DGKK: variants seen among roughly 807,000 people sequenced by gnomAD.
DGKK encodes the protein 142 kDa diacylglycerol kinase.
Under a neutral mutation model 92.2 loss-of-function variants are expected in DGKK, and 35 were observed. The ratio of observed to expected loss-of-function variants is 0.38; its 90% confidence interval spans 0.29 to 0.50. The LOEUF is 0.50. DGKK is among the 20% of genes least tolerant of loss of function. DGKK has a pLI of 0.92. For missense variants in DGKK, 910 were observed against 992.2 expected, an observed-to-expected ratio of 0.92 and a Z score of 1.11; for synonymous variants, 368 against 360.6, an observed-to-expected ratio of 1.02 and a Z score of -0.23.
intron 1 of DGKK, among the ~76,000 whole-genome samples, chrX:50,432,929 G>C (rs1175398748): frequency 9.0e-6 from 1 of 111,715 alleles, no homozygotes; most frequent in Non-Finnish European, 1.9e-5. Flanking sequence ...CTAATTGTTT[G>C]GGGTATGGGG....
intron 11 of DGKK, 77 bp from the exon 12 acceptor site, chrX:50,390,486 C>G: frequency 2.1e-6 from 2 of 940,556 alleles, no homozygotes; most frequent in Non-Finnish European, 3.0e-6. Flanking sequence ...AAGGTGAAGA[C>G]AGAAGTAAAA....
At position 50,393,181 on chromosome X, in the gene DGKK, G is replaced by A. The variant is rs267606476; in HGVS notation, c.1566C>T (p.Phe522=). The change falls in exon 9 of 28, where the codon TTC becomes TTT. Residue 522 remains phenylalanine (F), a synonymous_variant. Coordinates refer to ENST00000611977, the MANE Select transcript of DGKK (RefSeq NM_001013742.4). The part of the protein sequence containing the change: ...FKQYLNPSQV[F]DLLKGGPEAG... ...CTTCAGGTCCACCCTTCAATAAGTCGAACACTTGAGATGGGTTAAGGTATT... is the reference window on the plus strand; with the variant it reads ...CTTCAGGTCCACCCTTCAATAAGTCAAACACTTGAGATGGGTTAAGGTATT... 5 of 1,209,198 alleles carry A rather than the reference G, an allele frequency of 4.1e-6. No individual in the cohort carries two copies. The highest frequency in any genetic ancestry group is 1.8e-5 in the South Asian group (1 of 56,361).
chrX:50,386,694 G>T (rs1384761270), intron 14 of DGKK, 108 bp from the exon 15 acceptor site: 2 of 617,884 alleles, frequency 3.2e-6, no homozygotes, highest in East Asian at 7.1e-5. Flanking sequence ...GGTAAGAGTT[G>T]TCCATAAATG....
At chrX:50,421,395 C>T (rs1557229126) in intron 3 of DGKK, among the ~76,000 whole-genome samples, 1 of 111,865 alleles carries the variant, frequency 8.9e-6, no homozygotes, top group Non-Finnish European at 1.9e-5. Flanking sequence ...TTGCATGTAA[C>T]ACAGTGAGAT....
intron 1 of DGKK, among the ~76,000 whole-genome samples, chrX:50,435,689 T>C (rs1405924036): frequency 9.1e-6 from 1 of 109,527 alleles, no homozygotes; most frequent in African/African-American, 3.3e-5. Context: ...AGGAGTTGTG[T>C]ATGAGTGGTG....
At chrX:50,447,359 T>A (rs868961759) in intron 1 of DGKK, among the ~76,000 whole-genome samples, 1 of 15,007 alleles carries the variant, frequency 6.7e-5, no homozygotes, top group Non-Finnish European at 9.3e-5. Context: ...ATATATATAA[T>A]ATATATATAT....
intron 15 of DGKK, 108 bp downstream of exon 15, chrX:50,386,248 CTT>C: frequency 1.8e-6 from 1 of 547,166 alleles, no homozygotes; most frequent in Non-Finnish European, 3.0e-6. Context: ...AGAATCTAGA[CTT>C]TTTGTAGCAG....
intron 1 of DGKK, among the ~76,000 whole-genome samples, chrX:50,438,920 G>A (rs1437680510): frequency 4.5e-5 from 5 of 111,345 alleles, no homozygotes; most frequent in Non-Finnish European, 9.4e-5. Flanking sequence ...TAGACCCTGG[G>A]CCCAGGAATA....
intron 4 of DGKK, among the ~76,000 whole-genome samples, chrX:50,408,608 C>T (rs1925227639): frequency 9.1e-6 from 1 of 110,449 alleles, no homozygotes; most frequent in South Asian, 4.0e-4. Context: ...TGGTCTCGAT[C>T]TCCTGACCTC....
intron 4 of DGKK, among the ~76,000 whole-genome samples, chrX:50,414,632 TGAG>T (rs1313226413): frequency 9.0e-6 from 1 of 111,640 alleles, no homozygotes; most frequent in Non-Finnish European, 1.9e-5. Flanking sequence ...ATAAATGAAT[TGAG>T]GATGAAATTG....
At chrX:50,407,121 T>C (rs1447403308) in intron 4 of DGKK, among the ~76,000 whole-genome samples, 1 of 112,111 alleles carries the variant, frequency 8.9e-6, no homozygotes, top group Non-Finnish European at 1.9e-5. Flanking sequence ...GATTTTGCTC[T>C]ACTGTTGGGT....
chrX:50,372,971 C>T (rs5915412), intron 25 of DGKK, among the ~76,000 whole-genome samples: 36,827 of 111,343 alleles, frequency 0.33, 5,412 homozygotes, highest in African/African-American at 0.55. Context: ...CTGTCACAAA[C>T]GGGTGGCATG....
intron 8 of DGKK, among the ~76,000 whole-genome samples, chrX:50,398,435 T>C (rs1244394815): frequency 1.8e-5 from 2 of 111,944 alleles, no homozygotes; most frequent in African/African-American, 3.2e-5. Context: ...TAATGCATGA[T>C]AGAAAGAAGG....
chrX:50,447,326 GTATATA>G (rs1194566657), intron 1 of DGKK, among the ~76,000 whole-genome samples: 2 of 18,202 alleles, frequency 1.1e-4, no homozygotes, highest in Non-Finnish European at 1.8e-4. Context: ...GTGTGTGTAT[GTATATA>G]TATATATATA....
At chrX:50,453,607 A>T (rs1926541918) in intron 1 of DGKK, among the ~76,000 whole-genome samples, 1 of 111,561 alleles carries the variant, frequency 9.0e-6, no homozygotes, top group Non-Finnish European at 1.9e-5. Context: ...CATATACAGG[A>T]AACAAAACTG....
chrX:50,455,550 C>T (rs1557232806), intron 1 of DGKK, among the ~76,000 whole-genome samples: 1 of 111,390 alleles, frequency 9.0e-6, no homozygotes, highest in Non-Finnish European at 1.9e-5. Context: ...TACTAGTTTC[C>T]CTAAGCGCAA....
At chrX:50,388,345 A>T (rs181191601) in intron 13 of DGKK, among the ~76,000 whole-genome samples, 182 bp downstream of exon 13, 97 of 111,951 alleles carry the variant, frequency 8.7e-4, no homozygotes, top group Non-Finnish European at 1.3e-3. Flanking sequence ...GCAGCAGACG[A>T]CTTCACCTCA....
intron 12 of DGKK, among the ~76,000 whole-genome samples, chrX:50,388,891 GAACA>G (rs1735301281): frequency 5.4e-5 from 6 of 111,743 alleles, no homozygotes; most frequent in Admixed American, 2.8e-4. Context: ...TGTTTCAAAT[GAACA>G]AACAATCTCA....
chrX:50,406,004 CA>C (rs1473400875), intron 4 of DGKK, among the ~76,000 whole-genome samples: 4 of 111,651 alleles, frequency 3.6e-5, no homozygotes, highest in African/African-American at 1.3e-4. Flanking sequence ...TATCATCTAC[CA>C]TGGTAGGCAC....
Sources: gnomAD v4.1 joint callset for allele counts (sites outside exome capture counted in the v4.1 genomes callset) on GRCh38, gnomAD v4.1.1 for gene constraint, MANE v1.5 for transcripts, NCBI Gene and HGNC (gene_info 2026-07-23, HGNC 2026-07-21) for gene names.